The following SRGAP1 variants were observed in gnomAD, a reference collection of about 807,000 sequenced individuals.
The protein encoded by SRGAP1 is SLIT-ROBO Rho GTPase-activating protein 1.
A neutral mutation model predicts 121.9 loss-of-function variants in SRGAP1; 43 were observed. That is an observed-to-expected ratio of 0.35 (90% confidence interval 0.28 to 0.46). The LOEUF is 0.46. Among genes scored for constraint, SRGAP1 ranks in the 20% least tolerant of loss-of-function variants. The pLI is 1.00. For missense variants in SRGAP1, 1,102 were observed against 1,350.9 expected (o/e 0.82, Z 2.89); for synonymous variants, 447 against 485.4 (o/e 0.92, Z 1.04).
At chr12:63,921,238 A>G (rs2031031295) in intron 1 of SRGAP1, among the ~76,000 whole-genome samples, 1 of 152,212 alleles carries the variant, frequency 6.6e-6, no homozygotes, top group Non-Finnish European at 1.5e-5. Context: ...CGTTACCACC[A>G]GTTTGCACCT....
Position 64,115,811 on chromosome 12 carries a change from C to T in SRGAP1, c.2145-3C>T, listed in dbSNP as rs1368983334. 6.2e-7 allele frequency: 1 copy of T among 1,611,902 alleles called. No individual in the cohort carries two copies. The highest frequency in any genetic ancestry group is 8.5e-7 in the Non-Finnish European group (1 of 1,178,886). ...CATATGAATTTCCATTTGTATTCTA[C>T]AGCGACAGCCCATACAGTGAGCACG... On this transcript the variant is annotated splice_region_variant and splice_polypyrimidine_tract_variant and intron_variant, in intron 17 of 21. Coordinates refer to ENST00000355086, the MANE Select transcript of SRGAP1 (RefSeq NM_020762.4).
intron 1 of SRGAP1, among the ~76,000 whole-genome samples, chr12:63,861,840 G>A (rs1899463845): frequency 6.6e-6 from 1 of 152,082 alleles, no homozygotes; most frequent in Non-Finnish European, 1.5e-5. Context: ...TTTAAAAATT[G>A]GCCTGGCGCA....
intron 21 of SRGAP1, among the ~76,000 whole-genome samples, chr12:64,138,434 G>GAAATAAAT (rs1316385587): frequency 7.0e-6 from 1 of 143,586 alleles, no homozygotes; most frequent in African/African-American, 2.6e-5. Flanking sequence ...TTTACTATCT[G>GAAATAAAT]AAATAAATTG....
intron 15 of SRGAP1, among the ~76,000 whole-genome samples, chr12:64,106,993 A>G (rs2036355046): frequency 6.6e-6 from 1 of 152,226 alleles, no homozygotes; most frequent in African/African-American, 2.4e-5. Flanking sequence ...TTTTACTTAC[A>G]TTCTGGTTCA....
chr12:63,913,092 A>G (rs75542582), intron 1 of SRGAP1, among the ~76,000 whole-genome samples: 11,030 of 151,308 alleles, frequency 0.073, 433 homozygotes, highest in South Asian at 0.1. Flanking sequence ...TTATGCAATG[A>G]CATAGAAATT....
At chr12:64,050,289 T>A (rs559662104) in intron 6 of SRGAP1, among the ~76,000 whole-genome samples, 1 of 152,350 alleles carries the variant, frequency 6.6e-6, no homozygotes, top group African/African-American at 2.4e-5. Flanking sequence ...ATTAGCTTTT[T>A]CCAAATATCA....
intron 1 of SRGAP1, among the ~76,000 whole-genome samples, chr12:63,942,881 G>GT (rs901360358): frequency 1.3e-5 from 2 of 152,142 alleles, no homozygotes; most frequent in Non-Finnish European, 1.5e-5. Context: ...ATATAGATAG[G>GT]TTTTTTAAAA....
intron 3 of SRGAP1, among the ~76,000 whole-genome samples, chr12:64,015,953 G>A: frequency 6.6e-6 from 1 of 152,072 alleles, no homozygotes; most frequent in East Asian, 1.9e-4. Flanking sequence ...ATAACTTACA[G>A]CTTTTGTTGA....
rs56697634 is a variant in SRGAP1 at position 63,868,057 on chromosome 12, T to TATATATATATA, written c.67+23174_67+23175insATATATATATA. 2.1e-4 allele frequency among the ~76,000 whole-genome samples: 12 copies of TATATATATATA among 55,936 alleles called. 1 individual carries two copies. The highest frequency in any genetic ancestry group is 3.0e-4 in the Admixed American group (1 of 3,362). The allele number at this position is 55,936 out of a possible 152,430, so 36.7% of individuals were successfully genotyped here. On this transcript the variant is annotated intron_variant, in intron 1 of 21. Transcript: ENST00000355086. ...TTCCATATATATATATATATATATA[T>TATATATATATA]TTTTTTTTTTTTTTTTTTTTTGTTT... is the stretch of plus-strand genomic sequence containing the variant.
intron 1 of SRGAP1, among the ~76,000 whole-genome samples, chr12:63,931,119 G>A (rs1165583310): frequency 6.6e-6 from 1 of 152,196 alleles, no homozygotes; most frequent in Non-Finnish European, 1.5e-5. Flanking sequence ...CAATAATGAA[G>A]TAATGTTGGT....
At chr12:64,029,973 C>G (rs1324661915) in intron 4 of SRGAP1, among the ~76,000 whole-genome samples, 1 of 151,900 alleles carries the variant, frequency 6.6e-6, no homozygotes, top group African/African-American at 2.4e-5. Context: ...CTTAAAATCC[C>G]ATTTCCTTAC....
intron 6 of SRGAP1, among the ~76,000 whole-genome samples, chr12:64,056,909 A>T (rs1282805043): frequency 6.6e-6 from 1 of 151,352 alleles, no homozygotes; most frequent in Non-Finnish European, 1.5e-5. Context: ...CTTTCCCCTA[A>T]CTCTCCCTAT....
Position 63,948,915 on chromosome 12 carries a change from TATATATATATTCCATATATATATTTTCC to T in SRGAP1, c.68-34993_68-34966del, listed in dbSNP as rs1565964039. On this transcript the variant is annotated intron_variant, in intron 1 of 21. Transcript: ENST00000355086. Reference sequence around the variant, plus strand: ...ATATATTCCATATATATATTTTCCATATATATATATTCCATATATATATTTTCCATATATATATTCCATATATATATTT... The same window carrying T: ...ATATATTCCATATATATATTTTCCATATATATATATTCCATATATATATTT... 3.0e-4 allele frequency among the ~76,000 whole-genome samples: 18 copies of T among 60,958 alleles called. 2 individuals carry two copies. The highest frequency in any genetic ancestry group is 7.8e-4 in the East Asian group (1 of 1,286). 40.0% of individuals were successfully genotyped at this position (60,958 alleles called of 152,430 possible). A position where few individuals can be genotyped will look rare whatever the true frequency, so the allele number is the denominator to read the frequency against.
intron 18 of SRGAP1, among the ~76,000 whole-genome samples, chr12:64,119,796 G>A (rs2036577402): frequency 9.2e-6 from 1 of 108,266 alleles, no homozygotes; most frequent in South Asian, 3.0e-4. Flanking sequence ...TTTTGGCAGA[G>A]TTTTGCTTTT....
intron 15 of SRGAP1, chr12:64,097,586 A>C: frequency 4.7e-6 from 2 of 428,242 alleles, no homozygotes; most frequent in Non-Finnish European, 8.0e-6. Context: ...CCTCCTGAAC[A>C]TCCTCTGGCT....
intron 1 of SRGAP1, among the ~76,000 whole-genome samples, chr12:63,870,000 C>T (rs1899793983): frequency 6.6e-6 from 1 of 152,144 alleles, no homozygotes; most frequent in South Asian, 2.1e-4. Flanking sequence ...CACCAGGGTC[C>T]AAACCTGTGC....
In SRGAP1 at chr12:64,076,546, C is replaced by T. The variant is rs187340025; in HGVS notation, c.1126-2373C>T. Among the ~76,000 whole-genome samples the T allele has an allele frequency of 1.3e-3, 192 of 151,578 alleles. 2 individuals are homozygous for T. In the East Asian group the frequency reaches 0.027, roughly 21 times the overall value. Reference sequence around the variant, plus strand: ...GACAAATCAGAAGAAATAATAAAAACGCAGCATCAAAAACAAAAGATAATA... The same window carrying T: ...GACAAATCAGAAGAAATAATAAAAATGCAGCATCAAAAACAAAAGATAATA... On this transcript the variant is annotated intron_variant, in intron 8 of 21. Coordinates refer to ENST00000355086, the MANE Select transcript of SRGAP1 (RefSeq NM_020762.4).
At chr12:63,924,151 C>G (rs1186200019) in intron 1 of SRGAP1, among the ~76,000 whole-genome samples, 1 of 151,732 alleles carries the variant, frequency 6.6e-6, no homozygotes, top group Admixed American at 6.6e-5. Context: ...GAGAAAGACC[C>G]CATTTAAAAG....
chr12:64,074,283 GT>G (rs1025602613), intron 8 of SRGAP1, among the ~76,000 whole-genome samples: 1 of 152,026 alleles, frequency 6.6e-6, no homozygotes, highest in Non-Finnish European at 1.5e-5. Flanking sequence ...CCCTTTTATT[GT>G]TCATCAACTC....
Sources: allele counts gnomAD v4.1 joint callset (sites outside exome capture counted in the v4.1 genomes callset), GRCh38; gene constraint gnomAD v4.1.1; transcripts MANE v1.5; gene names NCBI Gene and HGNC (gene_info 2026-07-23, HGNC 2026-07-21).